Variants in UEVLD observed in about 807,000 individuals in gnomAD.
UEVLD encodes the protein UEV and lactate/malate dehyrogenase domains.
A neutral mutation model predicts 58.6 loss-of-function variants in UEVLD; 47 were observed. The ratio of observed to expected loss-of-function variants is 0.80; its 90% CI spans 0.63 to 1.02. The LOEUF is 1.02. Ranked by LOEUF, UEVLD falls within the 50% of genes least tolerant of loss-of-function variation. The pLI is 0.00. For missense variants in UEVLD, 510 were observed against 550.6 expected (o/e 0.93, Z 0.74); for synonymous variants, 197 against 195.3 (o/e 1.01, Z -0.07).
intron 7 of UEVLD, among the ~76,000 whole-genome samples, chr11:18,556,613 A>C (rs1181528394): frequency 6.6e-6 from 1 of 152,150 alleles, no homozygotes; most frequent in African/African-American, 2.4e-5. Context: ...CCTTACCCAT[A>C]ACTTGGTAGA....
intron 5 of UEVLD, among the ~76,000 whole-genome samples, chr11:18,565,470 A>G (rs1852249478): frequency 6.6e-6 from 1 of 152,232 alleles, no homozygotes; most frequent in East Asian, 1.9e-4. Flanking sequence ...GTTTGGGATC[A>G]TTAATATACA....
At chr11:18,567,460 C>A (rs978502704) in intron 4 of UEVLD, among the ~76,000 whole-genome samples, 12 of 152,142 alleles carry the variant, frequency 7.9e-5, no homozygotes, top group African/African-American at 2.9e-4. Context: ...TAAGAAGAGG[C>A]TATTAGGGCC....
Position 18,531,404 on chromosome 11 carries a change from T to C in UEVLD, c.*916A>G, listed in dbSNP as rs1850554824. On this transcript the variant is annotated 3_prime_UTR_variant, in exon 12 of 12. Coordinates refer to ENST00000396197, the MANE Select transcript of UEVLD (RefSeq NM_001040697.4). ...AAGCTATCTTTCACATAAGAAAATA[T>C]TGCTCTTGATCCATCACCAAAGTGT... 1 of 152,220 alleles carries C rather than the reference T, an allele frequency of 6.6e-6. No individual in the cohort carries two copies. Among genetic ancestry groups the C allele is most frequent in the South Asian group, 2.1e-4 (1 of 4,830 alleles). 9.4% of individuals were successfully genotyped at this position (152,220 alleles called of 1,614,324 possible).
chr11:18,565,033 C>A, intron 5 of UEVLD, 23 bp from the exon 6 acceptor site: 1 of 1,524,452 alleles, frequency 6.6e-7, no homozygotes, highest in Non-Finnish European at 9.0e-7. Flanking sequence ...GTGAATTATC[C>A]TGAGAATTCA....
chr11:18,540,903 C>T (rs1488442608), intron 9 of UEVLD, among the ~76,000 whole-genome samples: 1 of 152,210 alleles, frequency 6.6e-6, no homozygotes, highest in Non-Finnish European at 1.5e-5. Flanking sequence ...GCAATCAACA[C>T]AGTGTTTATT....
intron 4 of UEVLD, 54 bp from the exon 5 acceptor site, chr11:18,566,536 C>T (rs1852312937): frequency 1.3e-6 from 2 of 1,585,326 alleles, no homozygotes; most frequent in Admixed American, 1.7e-5. Context: ...CTGAAGAATA[C>T]TACCTTTGTT....
intron 7 of UEVLD, among the ~76,000 whole-genome samples, chr11:18,555,635 T>C (rs1435714382): frequency 6.6e-6 from 1 of 151,670 alleles, no homozygotes; most frequent in African/African-American, 2.4e-5. Context: ...CTAATAGTAA[T>C]TAAATAAATG....
chr11:18,535,286 TA>T (rs1850745934), intron 10 of UEVLD, among the ~76,000 whole-genome samples: 1 of 152,214 alleles, frequency 6.6e-6, no homozygotes, highest in Admixed American at 6.5e-5. Flanking sequence ...ACTAAATTGT[TA>T]AAAATGGTTG....
chr11:18,582,922 G>A (rs905176212), intron 1 of UEVLD, among the ~76,000 whole-genome samples: 1 of 152,006 alleles, frequency 6.6e-6, no homozygotes, highest in Non-Finnish European at 1.5e-5. Context: ...TCAGAAGACT[G>A]ATATTTCTTT....
intron 7 of UEVLD, among the ~76,000 whole-genome samples, chr11:18,550,431 C>T (rs1851477820): frequency 6.6e-6 from 1 of 152,230 alleles, no homozygotes; most frequent in Non-Finnish European, 1.5e-5. Flanking sequence ...TGACAAACAT[C>T]TGCTTAACTG....
chr11:18,561,489 T>C (rs528272230), intron 6 of UEVLD, among the ~76,000 whole-genome samples: 2 of 151,072 alleles, frequency 1.3e-5, no homozygotes, highest in South Asian at 4.2e-4. Context: ...CCCAGCTACT[T>C]GGGAGGCTGA....
At chr11:18,584,251 TGTTGCCTG>T (rs1313655268) in intron 1 of UEVLD, among the ~76,000 whole-genome samples, 1 of 152,036 alleles carries the variant, frequency 6.6e-6, no homozygotes, top group Non-Finnish European at 1.5e-5. Flanking sequence ...GATGTGGTGA[TGTTGCCTG>T]TGGTCCTAGC....
chr11:18,532,389 A>C lies in UEVLD; in HGVS notation c.1347T>G (p.Asp449Glu). 1 of 1,613,722 alleles carries C rather than the reference A, an allele frequency of 6.2e-7. No homozygotes were observed. The highest frequency in any genetic ancestry group is 8.5e-7 in the Non-Finnish European group (1 of 1,179,850). The change falls in exon 12 of 12, where the codon GAT (aspartate) becomes GAG (glutamate). Residue 449 changes from aspartate to glutamate, a missense_variant. Asp to Glu is a conservative substitution (Grantham distance 45). Coordinates refer to ENST00000396197, the MANE Select transcript of UEVLD (RefSeq NM_001040697.4). The part of the protein sequence containing the change: ...SEVIKTTLKE[D>E]TVTEKLQSSA... ...TGCTTTGGAGTTTCTCAGTAACTGTATCTTCTTTCAGTGTGGTTTTGATAA... is the reference window on the plus strand; with the variant it reads ...TGCTTTGGAGTTTCTCAGTAACTGTCTCTTCTTTCAGTGTGGTTTTGATAA...
intron 4 of UEVLD, among the ~76,000 whole-genome samples, chr11:18,567,338 A>G (rs542950376): frequency 6.6e-5 from 10 of 152,224 alleles, no homozygotes; most frequent in Non-Finnish European, 1.5e-4. Flanking sequence ...AATGCAAACT[A>G]TACGCCGTGA....
intron 6 of UEVLD, chr11:18,563,723 G>A: frequency 1.0e-6 from 1 of 985,854 alleles, no homozygotes; most frequent in Non-Finnish European, 1.2e-6. Context: ...GGTAATAGCA[G>A]GCCAGGTACG....
intron 8 of UEVLD, 38 bp downstream of exon 8, chr11:18,546,842 A>G (rs188559561): frequency 5.7e-5 from 92 of 1,606,996 alleles, no homozygotes; most frequent in Non-Finnish European, 7.3e-5. Flanking sequence ...CTACTGATGT[A>G]CTGGACCATC....
intron 1 of UEVLD, among the ~76,000 whole-genome samples, chr11:18,582,962 G>A (rs181478427): frequency 9.0e-4 from 136 of 151,932 alleles, no homozygotes; most frequent in African/African-American, 3.2e-3. Flanking sequence ...TCACCTTGTC[G>A]CCCAGGCTGG....
intron 9 of UEVLD, among the ~76,000 whole-genome samples, chr11:18,544,312 G>C (rs568998674): frequency 6.6e-6 from 1 of 152,188 alleles, no homozygotes; most frequent in African/African-American, 2.4e-5. Context: ...TAATAATAAT[G>C]TACTTCTTTT....
At chr11:18,545,070 C>CTATATATATA (rs1554976327) in intron 8 of UEVLD, among the ~76,000 whole-genome samples, 2 of 103,472 alleles carry the variant, frequency 1.9e-5, no homozygotes, top group Admixed American at 9.7e-5. Context: ...ATATCTATAT[C>CTATATATATA]TATATTTTTT....
Sources: allele counts gnomAD v4.1 joint callset (sites outside exome capture counted in the v4.1 genomes callset), GRCh38; gene constraint gnomAD v4.1.1; transcripts MANE v1.5; gene names NCBI Gene and HGNC (gene_info 2026-07-23, HGNC 2026-07-21).